Variants in TMEM132B observed in about 807,000 individuals in gnomAD.
TMEM132B encodes the protein transmembrane protein 132B.
A neutral mutation model predicts 90.8 loss-of-function variants in TMEM132B; 18 were observed. That is an observed-to-expected ratio of 0.20 (90% CI 0.14 to 0.29). TMEM132B has a LOEUF of 0.29. TMEM132B is among the 10% of genes least tolerant of loss of function. TMEM132B has a pLI of 1.00. For missense variants in TMEM132B, 1,096 were observed against 1,326.8 expected (o/e 0.83, Z 2.70); for synonymous variants, 504 against 523.3 (o/e 0.96, Z 0.50).
intron 1 of TMEM132B, among the ~76,000 whole-genome samples, chr12:125,189,729 A>G (rs1957784958): frequency 6.6e-6 from 1 of 152,000 alleles, no homozygotes; most frequent in Non-Finnish European, 1.5e-5. Flanking sequence ...GAGCTACTGC[A>G]CTCAGAGCCA....
intron 1 of TMEM132B, among the ~76,000 whole-genome samples, chr12:125,198,607 C>A (rs983114985): frequency 6.6e-6 from 1 of 152,180 alleles, no homozygotes; most frequent in Non-Finnish European, 1.5e-5. Flanking sequence ...GGAATCTGAT[C>A]GACCATACTT....
chr12:125,276,998 G>C (rs947522273), intron 1 of TMEM132B, among the ~76,000 whole-genome samples: 6 of 152,330 alleles, frequency 3.9e-5, no homozygotes, highest in African/African-American at 1.4e-4. Flanking sequence ...TTGCGAGTCA[G>C]AAGGCTATGA....
intron 3 of TMEM132B, among the ~76,000 whole-genome samples, chr12:125,509,948 T>G (rs991152174): frequency 2.6e-5 from 4 of 152,194 alleles, no homozygotes; most frequent in Non-Finnish European, 4.4e-5. Flanking sequence ...CACTGAGAAA[T>G]CCATTGTCCA....
At position 125,445,284 on chromosome 12, in the gene TMEM132B, C is replaced by T. The variant is rs532128531; in HGVS notation, c.1106+29607C>T. Among the ~76,000 whole-genome samples the T allele has an allele frequency of 6.6e-6, 1 of 152,282 alleles. No individual in the cohort carries two copies. The highest frequency in any genetic ancestry group is 2.1e-4 in the South Asian group (1 of 4,816). On this transcript the variant is annotated intron_variant, in intron 3 of 8. Coordinates refer to ENST00000682704, the MANE Select transcript of TMEM132B (RefSeq NM_001366854.1). The surrounding 1 kb of genome is among the most constrained non-coding windows in gnomAD (Gnocchi z 4.3). Reference sequence around the variant, plus strand: ...GGTGGGCTCTGGATCTGTGTCCTGACCCTATCACTAGAGACCTTAGGCATA... The same window carrying T: ...GGTGGGCTCTGGATCTGTGTCCTGATCCTATCACTAGAGACCTTAGGCATA...
chr12:125,332,032 T>C (rs1229581054), intron 1 of TMEM132B, among the ~76,000 whole-genome samples: 1 of 152,178 alleles, frequency 6.6e-6, no homozygotes, highest in Non-Finnish European at 1.5e-5. Flanking sequence ...CGTGAGCCAC[T>C]GAGCCCTGCC....
intron 5 of TMEM132B, among the ~76,000 whole-genome samples, chr12:125,589,438 C>T (rs1482091556): frequency 5.5e-5 from 7 of 127,530 alleles, no homozygotes; most frequent in South Asian, 2.5e-4. Flanking sequence ...GCCAAGATTG[C>T]GCCACTGCAC....
intron 3 of TMEM132B, among the ~76,000 whole-genome samples, chr12:125,497,661 G>A (rs1220489948): frequency 2.0e-5 from 3 of 152,156 alleles, no homozygotes; most frequent in Admixed American, 1.3e-4. Flanking sequence ...CTCTTCTTCT[G>A]AACCAGGGGT....
At chr12:125,527,336 C>G (rs1200698683) in intron 4 of TMEM132B, among the ~76,000 whole-genome samples, 6 of 130,962 alleles carry the variant, frequency 4.6e-5, no homozygotes, top group Non-Finnish European at 9.6e-5. Flanking sequence ...CACCCATCCA[C>G]CCTTCCATCC....
chr12:125,436,743 G>T (rs1319374207), intron 3 of TMEM132B, among the ~76,000 whole-genome samples: 1 of 152,156 alleles, frequency 6.6e-6, no homozygotes, highest in Non-Finnish European at 1.5e-5. Context: ...TCAATTGGTG[G>T]TACTTTGTTA....
intron 1 of TMEM132B, among the ~76,000 whole-genome samples, chr12:125,306,153 G>A (rs962728900): frequency 3.3e-5 from 5 of 152,198 alleles, no homozygotes; most frequent in African/African-American, 1.2e-4. Context: ...TCTCCAACCA[G>A]GAACTGGAGT....
At chr12:125,351,658 C>G (rs1399403561) in intron 2 of TMEM132B, among the ~76,000 whole-genome samples, 2 of 152,190 alleles carry the variant, frequency 1.3e-5, no homozygotes, top group Non-Finnish European at 2.9e-5. Flanking sequence ...CGGCTATCAT[C>G]CCTCCAGCTG....
chr12:125,563,600 A>AACAAAC lies in TMEM132B; in HGVS notation c.1294-20250_1294-20249insCAAACA, dbSNP rs1555258803. Among the ~76,000 whole-genome samples the AACAAAC allele has an allele frequency of 1.5e-4, 19 of 126,264 alleles. No homozygotes were observed. In the South Asian group the frequency reaches 2.1e-3, roughly 14 times the overall value. The allele number at this position is 126,264 out of a possible 152,430, so 82.8% of individuals were successfully genotyped here. A position where few individuals can be genotyped will look rare whatever the true frequency, so the allele number is the denominator to read the frequency against. ...AAACAAACAAACAAACAAACAAACA[A>AACAAAC]AAAAAAACCCCACAGTATCTGTGAG... On this transcript the variant is annotated intron_variant, in intron 4 of 8. Transcript: ENST00000682704.
At chr12:125,488,633 C>G (rs1593170898) in intron 3 of TMEM132B, among the ~76,000 whole-genome samples, 1 of 152,220 alleles carries the variant, frequency 6.6e-6, no homozygotes, top group Non-Finnish European at 1.5e-5. Context: ...GATTGTGAGG[C>G]CTCCCCAGCC....
At chr12:125,195,834 G>A (rs1872912025) in intron 1 of TMEM132B, among the ~76,000 whole-genome samples, 1 of 152,174 alleles carries the variant, frequency 6.6e-6, no homozygotes, top group Non-Finnish European at 1.5e-5. Context: ...AAGGCCCTGA[G>A]GTGGGAATGT....
intron 5 of TMEM132B, among the ~76,000 whole-genome samples, chr12:125,589,226 T>A (rs1340693919): frequency 6.6e-6 from 1 of 152,096 alleles, no homozygotes; most frequent in East Asian, 1.9e-4. Flanking sequence ...CTCACGCCTG[T>A]AATCCCAGCA....
intron 4 of TMEM132B, among the ~76,000 whole-genome samples, chr12:125,570,111 C>T (rs1210669063): frequency 5.3e-5 from 8 of 152,106 alleles, no homozygotes; most frequent in East Asian, 1.9e-4. Flanking sequence ...TACTCCACCC[C>T]GGGCAGTATG....
At chr12:125,573,282 G>A (rs1884849399) in intron 4 of TMEM132B, among the ~76,000 whole-genome samples, 2 of 152,210 alleles carry the variant, frequency 1.3e-5, no homozygotes, top group South Asian at 4.1e-4. Context: ...GTATGTCCCT[G>A]CTCCTGTGAT....
At chr12:125,241,164 A>G (rs1168165547) in intron 1 of TMEM132B, among the ~76,000 whole-genome samples, 1 of 152,218 alleles carries the variant, frequency 6.6e-6, no homozygotes, top group East Asian at 1.9e-4. Flanking sequence ...CCAGATATCA[A>G]AATATAAGGA....
chr12:125,467,049 G>C (rs1881580776), intron 3 of TMEM132B, among the ~76,000 whole-genome samples: 1 of 152,192 alleles, frequency 6.6e-6, no homozygotes, highest in African/African-American at 2.4e-5. Flanking sequence ...ATGGGCATAT[G>C]GTCCAACTGC....
Sources: gnomAD v4.1 joint callset for allele counts (sites outside exome capture counted in the v4.1 genomes callset) on GRCh38, gnomAD v4.1.1 for gene constraint, Gnocchi (gnomAD v3.1) non-coding constraint, MANE v1.5 for transcripts, NCBI Gene and HGNC (gene_info 2026-07-23, HGNC 2026-07-21) for gene names.